CALN1: variants seen among roughly 807,000 people sequenced by gnomAD.
CALN1 encodes calneuron 1.
In CALN1, 17 loss-of-function variants were observed where a neutral mutation model predicts 30.6. The observed-to-expected ratio is 0.56, with a 90% CI of 0.38 to 0.83. CALN1 has a LOEUF of 0.83. Among genes scored for constraint, CALN1 ranks in the 40% least tolerant of loss-of-function variants. The probability of loss-of-function intolerance (pLI) is 0.00; values close to 1 mark genes in which losing one functional copy is unlikely to be tolerated. For synonymous variants in CALN1, 156 were observed against 131.4 expected, an observed-to-expected ratio of 1.19 and a Z score of -1.28; for missense variants, 291 against 354.9, an observed-to-expected ratio of 0.82 and a Z score of 1.45.
At chr7:72,440,589 G>C (rs1429215102) in intron 1 of CALN1, among the ~76,000 whole-genome samples, 1 of 152,164 alleles carries the variant, frequency 6.6e-6, no homozygotes, top group Admixed American at 6.5e-5. Flanking sequence ...CACTTTGGAA[G>C]GCTGAGGCAG....
intron 5 of CALN1, among the ~76,000 whole-genome samples, chr7:71,940,046 G>C (rs1163098214): frequency 6.6e-6 from 1 of 152,104 alleles, no homozygotes; most frequent in Non-Finnish European, 1.5e-5. Context: ...CTTTGTTATT[G>C]TTGTTGTTTT....
chr7:72,099,273 CTTT>C (rs386359911), intron 4 of CALN1, among the ~76,000 whole-genome samples: 25,133 of 125,370 alleles, frequency 0.2, 2,571 homozygotes, highest in Admixed American at 0.29. Context: ...CCAAACACTC[CTTT>C]TTTTTTTTTT....
rs147781968 is a variant in CALN1 at position 71,783,778 on chromosome 7, T to A, written c.*3997A>T. 2 of 152,786 alleles carry A rather than the reference T, an allele frequency of 1.3e-5. No individual in the cohort carries two copies. Among genetic ancestry groups the A allele is most frequent in the African/African-American group, 4.8e-5 (2 of 41,584 alleles). 9.5% of individuals were successfully genotyped at this position (152,786 alleles called of 1,614,324 possible). ...GTTCTGAAACATATCGCTTTATGAT[T>A]CTATGAATGGGAAGTTGGGAGGGGC... On this transcript the variant is annotated 3_prime_UTR_variant, in exon 7 of 7. Coordinates refer to ENST00000395275, the MANE Select transcript of CALN1 (RefSeq NM_031468.4).
At chr7:72,426,961 G>C (rs900802021) in intron 1 of CALN1, among the ~76,000 whole-genome samples, 1 of 152,086 alleles carries the variant, frequency 6.6e-6, no homozygotes, top group Admixed American at 6.5e-5. Context: ...TGGCCTTCCT[G>C]CCTATTGTCT....
chr7:72,026,587 G>GA (rs144556214), intron 4 of CALN1, among the ~76,000 whole-genome samples: 8,247 of 147,892 alleles, frequency 0.056, 318 homozygotes, highest in Non-Finnish European at 0.084. Flanking sequence ...TCTGTCTGGG[G>GA]AAAAAAAAAA....
intron 3 of CALN1, among the ~76,000 whole-genome samples, chr7:72,145,088 A>G (rs1296459291): frequency 6.6e-6 from 1 of 152,226 alleles, no homozygotes; most frequent in Non-Finnish European, 1.5e-5. Context: ...AAACACATTC[A>G]AAAGCTAGCA....
intron 5 of CALN1, among the ~76,000 whole-genome samples, chr7:71,870,853 T>C (rs73362140): frequency 0.048 from 7,377 of 152,256 alleles, 607 homozygotes; most frequent in African/African-American, 0.17. Flanking sequence ...CTTGCATGGT[T>C]GGTGGAGAGA....
chr7:72,337,222 C>T, intron 2 of CALN1: 1 of 984,794 alleles, frequency 1.0e-6, no homozygotes, highest in Non-Finnish European at 1.2e-6. Context: ...GCCTTGCCGC[C>T]GACAGCACCA....
chr7:71,851,208 AAC>A (rs56041427), intron 5 of CALN1, among the ~76,000 whole-genome samples: 2,419 of 132,104 alleles, frequency 0.018, 31 homozygotes, highest in African/African-American at 0.035. Context: ...CCTTGTCTCA[AAC>A]ACACACACAC....
chr7:72,013,190 C>T (rs1800184201), intron 5 of CALN1, among the ~76,000 whole-genome samples: 1 of 151,024 alleles, frequency 6.6e-6, no homozygotes, highest in Non-Finnish European at 1.5e-5. Flanking sequence ...CACTTCTCCC[C>T]TTTTTGTTTT....
At chr7:71,888,093 T>C (rs1793020473) in intron 5 of CALN1, among the ~76,000 whole-genome samples, 1 of 151,884 alleles carries the variant, frequency 6.6e-6, no homozygotes, top group African/African-American at 2.4e-5. Context: ...GATAAAAGCA[T>C]AGGATGGAAT....
chr7:71,987,453 G>A (rs1053861315), intron 5 of CALN1, among the ~76,000 whole-genome samples: 46 of 152,218 alleles, frequency 3.0e-4, no homozygotes, highest in Admixed American at 3.0e-3. Flanking sequence ...ATGAATGCAT[G>A]ATGCAGGCAT....
chr7:72,139,956 GT>G (rs1563090829), intron 3 of CALN1, among the ~76,000 whole-genome samples: 1 of 152,082 alleles, frequency 6.6e-6, no homozygotes, highest in Admixed American at 6.6e-5. Flanking sequence ...CTGTAATCTC[GT>G]TGGAATATTT....
At position 71,869,569 on chromosome 7, in the gene CALN1, T is replaced by C. The variant is rs185513524; in HGVS notation, c.502-59077A>G. Among the ~76,000 whole-genome samples the C allele has an allele frequency of 3.9e-5, 6 of 152,306 alleles. No homozygotes were observed. In the East Asian group the frequency reaches 1.2e-3, roughly 29 times the overall value. ...CTTTCAGCCTTGGTTTCTAATACTG[T>C]TATATTTGCCCTTTGGTATTTCTTC... is the stretch of plus-strand genomic sequence containing the variant. On this transcript the variant is annotated intron_variant, in intron 5 of 6. Coordinates refer to ENST00000395275, the MANE Select transcript of CALN1 (RefSeq NM_031468.4).
chr7:72,453,010 C>T, the CALN1 span, among the ~76,000 whole-genome samples: 12 of 152,208 alleles, frequency 7.9e-5, no homozygotes, highest in Non-Finnish European at 1.8e-4. Flanking sequence ...AGAGAGTTGG[C>T]TCAAGCCTCC....
intron 5 of CALN1, among the ~76,000 whole-genome samples, chr7:71,934,360 C>A (rs1181388480): frequency 6.6e-6 from 1 of 152,136 alleles, no homozygotes; most frequent in East Asian, 1.9e-4. Context: ...GTCTATTTTG[C>A]ATTGTATAAG....
chr7:71,832,902 G>A (rs576668987), intron 5 of CALN1, among the ~76,000 whole-genome samples: 1 of 152,034 alleles, frequency 6.6e-6, no homozygotes, highest in East Asian at 1.9e-4. Flanking sequence ...CGCCATGCTC[G>A]CCCACTTCCA....
At chr7:72,137,025 C>G (rs1024999186) in intron 3 of CALN1, among the ~76,000 whole-genome samples, 1 of 152,150 alleles carries the variant, frequency 6.6e-6, no homozygotes, top group Non-Finnish European at 1.5e-5. Context: ...TTAGAGAAAA[C>G]AAACCTGAGA....
intron 2 of CALN1, among the ~76,000 whole-genome samples, chr7:72,399,817 G>A (rs549343965): frequency 7.2e-4 from 110 of 152,280 alleles, no homozygotes; most frequent in African/African-American, 2.5e-3. Flanking sequence ...GGGCCTAGTG[G>A]GAGGTGTTTG....
Sources: allele counts gnomAD v4.1 joint callset (sites outside exome capture counted in the v4.1 genomes callset), GRCh38; gene constraint gnomAD v4.1.1; transcripts MANE v1.5; gene names NCBI Gene and HGNC (gene_info 2026-07-23, HGNC 2026-07-21).